Variants in OXR1 observed in about 807,000 individuals in gnomAD.
OXR1 encodes oxidation resistance protein 1.
A neutral mutation model predicts 104.6 loss-of-function variants in OXR1; 41 were observed. The observed-to-expected ratio is 0.39, with a 90% CI of 0.31 to 0.51. The LOEUF is 0.51. Among genes scored for constraint, OXR1 ranks in the 20% least tolerant of loss-of-function variants. The pLI is 0.77. For synonymous variants in OXR1, 348 were observed against 348.4 expected (o/e 1.00, Z 0.01); for missense variants, 955 against 1,031.9 (o/e 0.93, Z 1.02).
chr8:106,469,715 A>C (rs542916062), intron 2 of OXR1, among the ~76,000 whole-genome samples: 1 of 151,962 alleles, frequency 6.6e-6, no homozygotes, highest in East Asian at 1.9e-4. Flanking sequence ...GTGTTCCCAC[A>C]TGTAGAAAGG....
chr8:106,372,249 T>TG (rs143825634), intron 2 of OXR1, among the ~76,000 whole-genome samples: 7,092 of 152,190 alleles, frequency 0.047, 515 homozygotes, highest in African/African-American at 0.16. Context: ...CTCCCTTGGC[T>TG]GGGGGGAGGG....
intron 3 of OXR1, among the ~76,000 whole-genome samples, chr8:106,589,931 T>C (rs931464348): frequency 6.6e-6 from 1 of 152,162 alleles, no homozygotes; most frequent in African/African-American, 2.4e-5. Flanking sequence ...CCTCCCAAAG[T>C]GTTGGGATTA....
At chr8:106,691,393 G>A (rs1261867505) in intron 6 of OXR1, among the ~76,000 whole-genome samples, 1 of 151,754 alleles carries the variant, frequency 6.6e-6, no homozygotes, top group Non-Finnish European at 1.5e-5. Context: ...GTGAGGTCTG[G>A]TAATTCCTCT....
intron 7 of OXR1, among the ~76,000 whole-genome samples, chr8:106,702,143 T>C (rs988608781): frequency 1.3e-5 from 2 of 152,066 alleles, no homozygotes; most frequent in Admixed American, 6.5e-5. Context: ...CTAGTTTGTG[T>C]TTTTCAGTAG....
chr8:106,554,582 G>T (rs987845868), intron 3 of OXR1, among the ~76,000 whole-genome samples: 1 of 152,132 alleles, frequency 6.6e-6, no homozygotes, highest in Non-Finnish European at 1.5e-5. Context: ...AGGAATCTGG[G>T]TGAAGTGTAT....
intron 2 of OXR1, among the ~76,000 whole-genome samples, chr8:106,454,026 A>T (rs563173998): frequency 6.6e-6 from 1 of 152,224 alleles, no homozygotes; most frequent in South Asian, 2.1e-4. Flanking sequence ...AGATTTTATT[A>T]TATGTCACTC....
At chr8:106,371,314 GT>G (rs1816697572) in intron 2 of OXR1, among the ~76,000 whole-genome samples, 1 of 151,542 alleles carries the variant, frequency 6.6e-6, no homozygotes. Context: ...CTAGCTAGCA[GT>G]CTATTTTGTT....
chr8:106,366,579 A>T (rs971694099), intron 2 of OXR1, among the ~76,000 whole-genome samples: 8 of 152,248 alleles, frequency 5.3e-5, no homozygotes, highest in Non-Finnish European at 8.8e-5. Context: ...CTAGTAAAAA[A>T]AATAAAGAGA....
chr8:106,534,385 C>A (rs1025833867), intron 3 of OXR1, among the ~76,000 whole-genome samples: 2 of 152,178 alleles, frequency 1.3e-5, no homozygotes, highest in Non-Finnish European at 2.9e-5. Context: ...CAGTCCTTAA[C>A]ACCTGTAAGA....
intron 3 of OXR1, among the ~76,000 whole-genome samples, chr8:106,637,187 C>A (rs1311219588): frequency 3.8e-4 from 58 of 152,218 alleles, no homozygotes; most frequent in Non-Finnish European, 8.8e-5. Flanking sequence ...TTTCTCCTAA[C>A]CTTGTTGCTA....
In OXR1 at chr8:106,334,601, T is replaced by C. The variant is rs76324916; in HGVS notation, c.-138-24875T>C. Among the ~76,000 whole-genome samples the C allele has an allele frequency of 3.8e-3, 582 of 152,288 alleles. 3 individuals are homozygous for C. Among genetic ancestry groups the C allele is most frequent in the African/African-American group, 0.013 (551 of 41,544 alleles). On this transcript the variant is annotated intron_variant, in intron 1 of 16. Transcript: ENST00000517566. ...TTAAGTTCACTTAACTTGAATTAGATTGTTATAAATTTAGATGTTGATTGT... is the reference window on the plus strand; with the variant it reads ...TTAAGTTCACTTAACTTGAATTAGACTGTTATAAATTTAGATGTTGATTGT...
At chr8:106,321,880 A>T (rs1174898899) in intron 1 of OXR1, among the ~76,000 whole-genome samples, 2 of 152,210 alleles carry the variant, frequency 1.3e-5, no homozygotes, top group Non-Finnish European at 2.9e-5. Context: ...GCCCTAGTTT[A>T]CTAGTTGAAA....
At chr8:106,452,337 T>C (rs1820359167) in intron 2 of OXR1, among the ~76,000 whole-genome samples, 1 of 152,314 alleles carries the variant, frequency 6.6e-6, no homozygotes, top group African/African-American at 2.4e-5. Flanking sequence ...CTATAAAAAT[T>C]TCAGCAAACC....
At chr8:106,748,000 C>A (rs936957087) in intron 16 of OXR1, among the ~76,000 whole-genome samples, 5 of 152,162 alleles carry the variant, frequency 3.3e-5, no homozygotes, top group African/African-American at 1.2e-4. Flanking sequence ...CTGACCCTTT[C>A]ATATTCTCCT....
intron 3 of OXR1, among the ~76,000 whole-genome samples, chr8:106,600,301 G>C (rs1046105117): frequency 6.6e-6 from 1 of 152,168 alleles, no homozygotes; most frequent in African/African-American, 2.4e-5. Context: ...TCCATACAAA[G>C]TCCATCCACA....
At chr8:106,415,496 TG>T (rs1818634410) in intron 2 of OXR1, among the ~76,000 whole-genome samples, 4 of 147,438 alleles carry the variant, frequency 2.7e-5, no homozygotes, top group African/African-American at 1.0e-4. Flanking sequence ...TTTAAGACTG[TG>T]TGTGTGTGTG....
At position 106,379,537 on chromosome 8, in the gene OXR1, C is replaced by CTTTTTTTTTTTTTTTTTTTTTTTTTT. The variant is rs60855438; in HGVS notation, c.23+19920_23+19921insTTTTTTTTTTTTTTTTTTTTTTTTTT. Among the ~76,000 whole-genome samples, 13 of 108,400 alleles carry CTTTTTTTTTTTTTTTTTTTTTTTTTT rather than the reference C, an allele frequency of 1.2e-4. 1 individual carries two copies. The highest frequency in any genetic ancestry group is 1.5e-4 in the African/African-American group (4 of 27,346). 71.1% of individuals were successfully genotyped at this position (108,400 alleles called of 152,430 possible). A position where few individuals can be genotyped will look rare whatever the true frequency, so the allele number is the denominator to read the frequency against. ...CTTTTTTTTACTTTTTTCTTTCTTTCTTTTTTTTTTTTTTTTTTTGAGACA... is the reference window on the plus strand; with the variant it reads ...CTTTTTTTTACTTTTTTCTTTCTTTCTTTTTTTTTTTTTTTTTTTTTTTTTTTTTTTTTTTTTTTTTTTTTGAGACA... On this transcript the variant is annotated intron_variant, in intron 2 of 16. Coordinates refer to ENST00000517566, the MANE Select transcript of OXR1 (RefSeq NM_001198533.2).
intron 1 of OXR1, among the ~76,000 whole-genome samples, chr8:106,315,641 G>A (rs1033337371): frequency 6.6e-6 from 1 of 152,184 alleles, no homozygotes; most frequent in Non-Finnish European, 1.5e-5. Flanking sequence ...AAGAAATATA[G>A]CAGAAACATA....
At chr8:106,589,033 A>C (rs913168093) in intron 3 of OXR1, among the ~76,000 whole-genome samples, 9 of 134,568 alleles carry the variant, frequency 6.7e-5, no homozygotes, top group Admixed American at 2.8e-4. Flanking sequence ...TAGCTTAGGG[A>C]AAGAGGTGCA....
Sources: gnomAD v4.1 joint callset for allele counts (sites outside exome capture counted in the v4.1 genomes callset) on GRCh38, gnomAD v4.1.1 for gene constraint, MANE v1.5 for transcripts, NCBI Gene and HGNC (gene_info 2026-07-23, HGNC 2026-07-21) for gene names.